The following PCDH9 variants were observed in gnomAD, a reference collection of about 807,000 sequenced individuals.
The protein encoded by PCDH9 is protocadherin-9.
Under a neutral mutation model 70.6 loss-of-function variants are expected in PCDH9, and 24 were observed. The observed-to-expected ratio is 0.34, with a 90% CI of 0.25 to 0.48. PCDH9 has a LOEUF of 0.48. Ranked by LOEUF, PCDH9 falls within the 20% of genes least tolerant of loss-of-function variation. The pLI, the probability that PCDH9 is intolerant of heterozygous loss-of-function variation, is 0.99. For synonymous variants in PCDH9, 562 were observed against 558.5 expected (o/e 1.01, Z -0.09); for missense variants, 1,281 against 1,503.6 (o/e 0.85, Z 2.45).
intron 4 of PCDH9, among the ~76,000 whole-genome samples, chr13:66,605,841 C>A (rs1455423036): frequency 6.6e-6 from 1 of 151,952 alleles, no homozygotes; most frequent in Non-Finnish European, 1.5e-5. Flanking sequence ...CTTCATACAC[C>A]ATGTGCTAGG....
intron 3 of PCDH9, among the ~76,000 whole-genome samples, chr13:66,832,741 C>T (rs1156455357): frequency 6.6e-6 from 1 of 152,064 alleles, no homozygotes; most frequent in Non-Finnish European, 1.5e-5. Flanking sequence ...TATCAAATAG[C>T]TGTTAATGTC....
chr13:67,028,848 C>T (rs555589489), intron 2 of PCDH9, among the ~76,000 whole-genome samples: 22 of 152,100 alleles, frequency 1.4e-4, no homozygotes, highest in African/African-American at 4.3e-4. Flanking sequence ...AACAGGAGAA[C>T]GAGACATTTT....
At chr13:66,965,760 A>C (rs2083424543) in intron 2 of PCDH9, among the ~76,000 whole-genome samples, 1 of 152,082 alleles carries the variant, frequency 6.6e-6, no homozygotes, top group South Asian at 2.1e-4. Context: ...AGGTGATAAC[A>C]TTATTACCAT....
chr13:66,675,380 T>G (rs2078228946), intron 3 of PCDH9, among the ~76,000 whole-genome samples: 1 of 152,284 alleles, frequency 6.6e-6, no homozygotes, highest in Non-Finnish European at 1.5e-5. Context: ...TATGCATGCA[T>G]GCCTGGCCCT....
At chr13:67,051,980 G>A (rs1025643603) in intron 2 of PCDH9, among the ~76,000 whole-genome samples, 7 of 152,070 alleles carry the variant, frequency 4.6e-5, no homozygotes, top group South Asian at 2.1e-4. Context: ...AAAACTTACC[G>A]CAGCCATGCA....
At chr13:66,940,391 G>C (rs1201055793) in intron 2 of PCDH9, among the ~76,000 whole-genome samples, 1 of 152,072 alleles carries the variant, frequency 6.6e-6, no homozygotes, top group Non-Finnish European at 1.5e-5. Flanking sequence ...TTGTGAGTCA[G>C]TAATTTTTTC....
chr13:66,760,117 T>C (rs2079600710), intron 3 of PCDH9, among the ~76,000 whole-genome samples: 1 of 152,190 alleles, frequency 6.6e-6, no homozygotes, highest in Admixed American at 6.5e-5. Flanking sequence ...CAGGATATAG[T>C]ATTTTTGGTT....
chr13:66,380,385 G>T (rs925811446), intron 4 of PCDH9, among the ~76,000 whole-genome samples: 2 of 151,820 alleles, frequency 1.3e-5, no homozygotes, highest in Non-Finnish European at 2.9e-5. Context: ...TTCCTTAAGC[G>T]TTCACACTGA....
At chr13:66,797,054 T>A (rs1339538066) in intron 3 of PCDH9, among the ~76,000 whole-genome samples, 1 of 152,000 alleles carries the variant, frequency 6.6e-6, no homozygotes, top group East Asian at 1.9e-4. Flanking sequence ...AGTTCATAGG[T>A]TGAGATAAGG....
At chr13:66,487,453 G>T (rs1342741533) in intron 4 of PCDH9, among the ~76,000 whole-genome samples, 1 of 152,062 alleles carries the variant, frequency 6.6e-6, no homozygotes, top group Middle Eastern at 3.4e-3. Flanking sequence ...CTTTCTTATG[G>T]ATTTTTTATT....
At chr13:67,220,983 C>T (rs902580330) in intron 2 of PCDH9, 2 of 151,972 alleles carry the variant, frequency 1.3e-5, no homozygotes, top group African/African-American at 4.8e-5. Flanking sequence ...GTGTTAATAT[C>T]CAAGGGCTCT....
At chr13:66,840,989 C>T (rs965450432) in intron 3 of PCDH9, among the ~76,000 whole-genome samples, 8 of 152,164 alleles carry the variant, frequency 5.3e-5, no homozygotes, top group African/African-American at 1.2e-4. Flanking sequence ...GTACTGAAAA[C>T]GGTACCTCGG....
At chr13:66,699,038 C>T (rs536711527) in intron 3 of PCDH9, among the ~76,000 whole-genome samples, 14 of 151,560 alleles carry the variant, frequency 9.2e-5, no homozygotes, top group Admixed American at 2.0e-4. Context: ...CCTCAGCCTC[C>T]GGAGTAGCTG....
intron 4 of PCDH9, among the ~76,000 whole-genome samples, chr13:66,362,909 G>A (rs1956494709): frequency 6.6e-6 from 1 of 152,086 alleles, no homozygotes; most frequent in Non-Finnish European, 1.5e-5. Context: ...GGCCAGGCAC[G>A]GTGGCTCAGG....
chr13:66,372,560 T>C (rs1184280058), intron 4 of PCDH9, among the ~76,000 whole-genome samples: 1 of 151,348 alleles, frequency 6.6e-6, no homozygotes, highest in Non-Finnish European at 1.5e-5. Flanking sequence ...GATCGCATAG[T>C]AGCCAATGAA....
At chr13:67,106,011 A>G (rs1192617085) in intron 2 of PCDH9, among the ~76,000 whole-genome samples, 1 of 152,012 alleles carries the variant, frequency 6.6e-6, no homozygotes, top group Non-Finnish European at 1.5e-5. Flanking sequence ...AATCTGGTCA[A>G]TACTCACATG....
intron 3 of PCDH9, among the ~76,000 whole-genome samples, chr13:66,899,515 A>C (rs2082242445): frequency 6.6e-6 from 1 of 152,042 alleles, no homozygotes; most frequent in Non-Finnish European, 1.5e-5. Context: ...TCTTTAGCTC[A>C]AGCATCAAAA....
chr13:66,816,911 T>A (rs7334213), intron 3 of PCDH9, among the ~76,000 whole-genome samples: 144,342 of 150,026 alleles, frequency 0.96, 69,686 homozygotes, highest in East Asian at 1. Flanking sequence ...TAAAGGATAA[T>A]GTGAGCTGAC....
chr13:66,416,577 A>G (rs1957465030), intron 4 of PCDH9, among the ~76,000 whole-genome samples: 1 of 152,196 alleles, frequency 6.6e-6, no homozygotes. Flanking sequence ...CTGAATCTAT[A>G]TTAGTTTGCC....
Sources: allele counts gnomAD v4.1 joint callset (sites outside exome capture counted in the v4.1 genomes callset), GRCh38; gene constraint gnomAD v4.1.1; transcripts MANE v1.5; gene names NCBI Gene and HGNC (gene_info 2026-07-23, HGNC 2026-07-21).